Variants in OR7D2 observed in about 807,000 individuals in gnomAD.
The protein encoded by OR7D2 is olfactory receptor family 7 subfamily D member 2.
For missense variants in OR7D2, 370 were observed against 384.1 expected, an observed-to-expected ratio of 0.96 and a Z score of 0.31; for synonymous variants, 158 against 158.7, an observed-to-expected ratio of 1.00 and a Z score of 0.03.
intron 2 of OR7D2, among the ~76,000 whole-genome samples, chr19:9,183,324 A>C (rs1210507337): frequency 1.3e-5 from 2 of 152,132 alleles, no homozygotes; most frequent in African/African-American, 4.8e-5. Context: ...ACCTAGGCTC[A>C]AGTTCAGTGT....
intron 2 of OR7D2, among the ~76,000 whole-genome samples, chr19:9,183,646 C>G (rs576413492): frequency 2.6e-5 from 4 of 151,640 alleles, no homozygotes; most frequent in Non-Finnish European, 4.4e-5. Context: ...TATTAACTAA[C>G]TATTCACTAT....
In OR7D2 at chr19:9,179,104, AT is replaced by A. The variant is rs35900631; in HGVS notation, c.-113del. ...CAGGGGAGGAAGACGTCATACCAGC[AT>A]TTTTTTTTTTCAAGCAATGTCAGTT... is the stretch of plus-strand genomic sequence containing the variant. On this transcript the variant is annotated 5_prime_UTR_variant, in exon 1 of 3. The change abolishes the stop of an existing upstream ORF in the 5' untranslated region. Coordinates refer to ENST00000641288, the MANE Select transcript of OR7D2 (RefSeq NM_175883.4). 53,273 of 143,834 alleles carry A rather than the reference AT, an allele frequency of 0.37. 9,732 individuals carry two copies. The highest frequency in any genetic ancestry group is 0.45 in the African/African-American group (17,515 of 39,264). 8.9% of individuals were successfully genotyped at this position (143,834 alleles called of 1,614,324 possible).
intron 2 of OR7D2, among the ~76,000 whole-genome samples, chr19:9,184,034 G>C (rs1376654709): frequency 6.9e-6 from 1 of 144,858 alleles, no homozygotes; most frequent in Non-Finnish European, 1.5e-5. Flanking sequence ...GGAACCCCTT[G>C]TGCCCTGTCG....
At position 9,185,814 on chromosome 19, in the gene OR7D2, G is replaced by A. The variant is rs771442608; in HGVS notation, c.33G>A (p.Glu11=). The change falls in exon 3 of 3, where the codon GAG becomes GAA. Residue 11 remains glutamate (E), a synonymous_variant. Transcript: ENST00000641288. ...CAGGAAACCAAACAGGATTTTTAGA[G>A]TTTATCCTTCTCGGACTCTCTGAGG... MEAGNQTGFL[E]FILLGLSEDP... is the part of the protein sequence containing the mutation. 1.1e-4 allele frequency: 174 copies of A among 1,593,720 alleles called. No individual in the cohort carries two copies. Among genetic ancestry groups the A allele is most frequent in the Admixed American group, 2.9e-4 (17 of 57,958 alleles).
intron 2 of OR7D2, chr19:9,182,623 C>T (rs2050998920): frequency 6.3e-6 from 1 of 158,228 alleles, no homozygotes; most frequent in Non-Finnish European, 1.4e-5. Flanking sequence ...GGGTTCACGC[C>T]ATTCTCCTGC....
In OR7D2 at chr19:9,186,832, T is replaced by A. The variant is rs2051040431; in HGVS notation, c.*112T>A. ...AAAACATTTTTTTATACTTTGAGAG[T>A]ACAAATGCAGATTTCTTAACATGCA... On this transcript the variant is annotated 3_prime_UTR_variant, in exon 3 of 3. Transcript: ENST00000641288. The A allele has an allele frequency of 6.6e-6, 5 of 753,662 alleles. No homozygotes were observed. The East Asian group carries it at 1.4e-4, about 21-fold the overall frequency. The allele number at this position is 753,662 out of a possible 1,614,324, so 46.7% of individuals were successfully genotyped here.
Position 9,186,372 on chromosome 19 carries a change from G to A in OR7D2, c.591G>A (p.Thr197=), listed in dbSNP as rs188451352. The change falls in exon 3 of 3, where the codon ACG becomes ACA. Residue 197 remains threonine, a synonymous_variant. Transcript: ENST00000641288. ...LACSDTFLNS[T]LIYFMTGVLG... is the part of the protein sequence containing the mutation. ...GCTCTGATACCTTCCTGAACAGCAC[G>A]TTGATATACTTTATGACGGGTGTGC... The A allele has an allele frequency of 3.0e-5, 48 of 1,614,022 alleles. No homozygotes were observed. Among genetic ancestry groups the A allele is most frequent in the East Asian group, 4.5e-5 (2 of 44,882 alleles).
chr19:9,184,025 G>A (rs2051011544), intron 2 of OR7D2, among the ~76,000 whole-genome samples: 1 of 140,598 alleles, frequency 7.1e-6, no homozygotes, highest in Non-Finnish European at 1.5e-5. Flanking sequence ...GAAGAAAAGG[G>A]AACCCCTTGT....
Position 9,185,808 on chromosome 19 carries a change from T to C in OR7D2, c.27T>C (p.Phe9=), listed in dbSNP as rs1220391461. The C allele has an allele frequency of 6.3e-7, 1 of 1,587,136 alleles. No individual in the cohort carries two copies. Among genetic ancestry groups the C allele is most frequent in the East Asian group, 2.2e-5 (1 of 44,792 alleles). Residue 9 remains phenylalanine (F), a synonymous_variant, in exon 3 of 3, where the codon TTT becomes TTC. Transcript: ENST00000641288. The part of the protein sequence containing the change: MEAGNQTG[F]LEFILLGLSE... Reference sequence around the variant, plus strand: ...TGGAAGCAGGAAACCAAACAGGATTTTTAGAGTTTATCCTTCTCGGACTCT... The same window carrying C: ...TGGAAGCAGGAAACCAAACAGGATTCTTAGAGTTTATCCTTCTCGGACTCT...
At chr19:9,179,952 G>A (rs1395166453) in intron 1 of OR7D2, among the ~76,000 whole-genome samples, 1 of 151,354 alleles carries the variant, frequency 6.6e-6, no homozygotes, top group Non-Finnish European at 1.5e-5. Context: ...GCAGTGAGCT[G>A]AGATTGCACC....
chr19:9,185,764 T>C lies in OR7D2; in HGVS notation c.-13-5T>C. 6.5e-7 allele frequency: 1 copy of C among 1,536,380 alleles called. No homozygotes were observed. The highest frequency in any genetic ancestry group is 1.3e-5 in the South Asian group (1 of 79,304). ...ATGCCTGGCTAATGACCTCTTCTTT[T>C]GTAGATACATCAGCTACATGGAAGC... On this transcript the variant is annotated splice_polypyrimidine_tract_variant and splice_region_variant and intron_variant, in intron 2 of 2. Transcript: ENST00000641288.
At position 9,186,449 on chromosome 19, in the gene OR7D2, C is replaced by T. The variant is rs979008262; in HGVS notation, c.668C>T (p.Ser223Leu). The T allele has an allele frequency of 6.2e-7, 1 of 1,614,178 alleles. No homozygotes were observed. Among genetic ancestry groups the T allele is most frequent in the Admixed American group, 1.7e-5 (1 of 60,004 alleles). ...ATTTTCTCTTATTCACGAATTGCTT[C>T]ATCCATAAGGAAGATGTCCTCATCT... The part of the protein sequence containing the change: ...GIIFSYSRIA[S>L]SIRKMSSSGG... The change falls in exon 3 of 3, where the codon TCA (serine) becomes TTA (leucine). Residue 223 changes from serine to leucine, a missense_variant. Physicochemically the swap from Ser to Leu is moderately radical, Grantham distance 145. Transcript: ENST00000641288.
Position 9,179,100 on chromosome 19 carries a change from C to T in OR7D2, c.-128C>T, listed in dbSNP as rs527778032. 1 of 131,380 alleles carries T rather than the reference C, an allele frequency of 7.6e-6. No individual in the cohort carries two copies. Among genetic ancestry groups the T allele is most frequent in the South Asian group, 2.6e-4 (1 of 3,920 alleles). 8.1% of individuals were successfully genotyped at this position (131,380 alleles called of 1,614,324 possible). A position where few individuals can be genotyped will look rare whatever the true frequency, so the allele number is the denominator to read the frequency against. On this transcript the variant is annotated 5_prime_UTR_variant, in exon 1 of 3. Coordinates refer to ENST00000641288, the MANE Select transcript of OR7D2 (RefSeq NM_175883.4). The stretch of plus-strand genomic sequence containing the variant: ...CAGTCAGGGGAGGAAGACGTCATAC[C>T]AGCATTTTTTTTTTTCAAGCAATGT...
At chr19:9,180,200 CT>C (rs145692213) in intron 1 of OR7D2, among the ~76,000 whole-genome samples, 41,858 of 145,678 alleles carry the variant, frequency 0.29, 5,983 homozygotes, top group Non-Finnish European at 0.33. Context: ...TTTAAGTTGA[CT>C]TTTTTTTTTT....
intron 2 of OR7D2, among the ~76,000 whole-genome samples, chr19:9,181,142 A>G (rs1436794465): frequency 2.0e-5 from 3 of 151,880 alleles, no homozygotes; most frequent in Admixed American, 2.0e-4. Flanking sequence ...ATTGTTTCAC[A>G]TAACTACAGT....
At position 9,183,695 on chromosome 19, in the gene OR7D2, C is replaced by T. The variant is rs977007752; in HGVS notation, c.-13-2074C>T. Among the ~76,000 whole-genome samples, 21 of 151,454 alleles carry T rather than the reference C, an allele frequency of 1.4e-4. 1 individual carries two copies. Among genetic ancestry groups the T allele is most frequent in the Admixed American group, 6.6e-4 (10 of 15,216 alleles). Reference sequence around the variant, plus strand: ...AGAGTTGGCCGGGCGCGGTGGCTCACGCCTGTAATCCCAGCACTTTGGGAG... The same window carrying T: ...AGAGTTGGCCGGGCGCGGTGGCTCATGCCTGTAATCCCAGCACTTTGGGAG... On this transcript the variant is annotated intron_variant, in intron 2 of 2. Coordinates refer to ENST00000641288, the MANE Select transcript of OR7D2 (RefSeq NM_175883.4).
intron 2 of OR7D2, among the ~76,000 whole-genome samples, chr19:9,184,116 G>A (rs1055853829): frequency 6.6e-6 from 1 of 151,236 alleles, no homozygotes; most frequent in South Asian, 2.1e-4. Context: ...AATAGAGGCC[G>A]GGTGTGGTGG....
rs913136284 is a variant in OR7D2 at position 9,186,296 on chromosome 19, T to C, written c.515T>C (p.Phe172Ser). 1.2e-6 allele frequency: 2 copies of C among 1,614,146 alleles called. No individual in the cohort carries two copies. Among genetic ancestry groups the C allele is most frequent in the East Asian group, 2.2e-5 (1 of 44,884 alleles). The change falls in exon 3 of 3, where the codon TTT becomes TCT. Residue 172 changes from phenylalanine to serine, a missense_variant. Phe to Ser is a radical substitution (Grantham distance 155, BLOSUM62 -2). Transcript: ENST00000641288. ...ATGCATCTAATCTTCTGTAAAGATT[T>C]TGAAATTCCACATTTTTTCTGCGAA... is the stretch of plus-strand genomic sequence containing the variant. ...LMMHLIFCKD[F>S]EIPHFFCELT...
rs755974340 is a variant in OR7D2 at position 9,186,341 on chromosome 19, T to A, written c.560T>A (p.Leu187Gln). 1 of 1,614,100 alleles carries A rather than the reference T, an allele frequency of 6.2e-7. No homozygotes were observed. Among genetic ancestry groups the A allele is most frequent in the South Asian group, 1.1e-5 (1 of 91,062 alleles). ...FFCELTYILQ[L>Q]ACSDTFLNST... Reference sequence around the variant, plus strand: ...TGCGAACTGACGTACATCCTCCAGCTGGCCTGCTCTGATACCTTCCTGAAC... The same window carrying A: ...TGCGAACTGACGTACATCCTCCAGCAGGCCTGCTCTGATACCTTCCTGAAC... Residue 187 changes from leucine (L) to glutamine (Q), a missense_variant, in exon 3 of 3, where the codon CTG becomes CAG. Physicochemically the swap from Leu to Gln is moderately radical, Grantham distance 113. Coordinates refer to ENST00000641288, the MANE Select transcript of OR7D2 (RefSeq NM_175883.4).
Sources: allele counts gnomAD v4.1 joint callset (sites outside exome capture counted in the v4.1 genomes callset), GRCh38; gene constraint gnomAD v4.1.1; transcripts MANE v1.5; gene names NCBI Gene and HGNC (gene_info 2026-07-23, HGNC 2026-07-21).